CHRM3: variants seen among roughly 807,000 people sequenced by gnomAD.
CHRM3 encodes the protein cholinergic receptor muscarinic 3.
A neutral mutation model predicts 41.8 loss-of-function variants in CHRM3; 11 were observed. The ratio of observed to expected loss-of-function variants is 0.26; its 90% CI spans 0.17 to 0.44. The LOEUF is 0.44. CHRM3 is among the 20% of genes least tolerant of loss of function. The pLI is 1.00. For missense variants in CHRM3, 571 were observed against 745.4 expected (o/e 0.77, Z 2.72); for synonymous variants, 297 against 301.4 (o/e 0.99, Z 0.15).
At chr1:239,582,146 G>A (rs1662960566) in intron 3 of CHRM3, among the ~76,000 whole-genome samples, 1 of 152,082 alleles carries the variant, frequency 6.6e-6, no homozygotes, top group Admixed American at 6.5e-5. Context: ...TATGAACTTG[G>A]GATCCTATTG....
At position 239,655,538 on chromosome 1, in the gene CHRM3, C is replaced by T. The variant is rs539820919; in HGVS notation, c.-249-22648C>T. ...CTAGTTTCAAGATATTTTCATAGAGCCCCAAATTAAACATATTTTGGATAA... is the reference window on the plus strand; with the variant it reads ...CTAGTTTCAAGATATTTTCATAGAGTCCCAAATTAAACATATTTTGGATAA... On this transcript the variant is annotated intron_variant, in intron 4 of 6. Transcript: ENST00000676153. Among the ~76,000 whole-genome samples, 45 of 152,324 alleles carry T rather than the reference C, an allele frequency of 3.0e-4. No individual in the cohort carries two copies. In the South Asian group the frequency reaches 8.9e-3, roughly 30 times the overall value.
intron 3 of CHRM3, among the ~76,000 whole-genome samples, chr1:239,548,529 C>A (rs906965587): frequency 2.0e-5 from 3 of 152,168 alleles, no homozygotes; most frequent in Non-Finnish European, 4.4e-5. Flanking sequence ...TATTCTTCTT[C>A]TTGTTTATTT....
chr1:239,847,819 G>A (rs1282109894), intron 6 of CHRM3, among the ~76,000 whole-genome samples: 1 of 152,108 alleles, frequency 6.6e-6, no homozygotes, highest in Non-Finnish European at 1.5e-5. Flanking sequence ...AGAGGCTGAG[G>A]TGAGAGGATT....
At chr1:239,552,128 A>G (rs1275817029) in intron 3 of CHRM3, among the ~76,000 whole-genome samples, 3 of 149,704 alleles carry the variant, frequency 2.0e-5, no homozygotes, top group Non-Finnish European at 3.0e-5. Flanking sequence ...CTTTCAATAT[A>G]TATGTATTTA....
chr1:239,762,551 A>T (rs1666884233), intron 5 of CHRM3, among the ~76,000 whole-genome samples: 1 of 152,192 alleles, frequency 6.6e-6, no homozygotes, highest in Non-Finnish European at 1.5e-5. Context: ...CCTGTGTTTA[A>T]CATTGCAGAT....
intron 5 of CHRM3, among the ~76,000 whole-genome samples, chr1:239,710,847 A>T (rs558413150): frequency 6.6e-6 from 1 of 152,014 alleles, no homozygotes; most frequent in African/African-American, 2.4e-5. Flanking sequence ...CTCTCACCAC[A>T]CCGCAAACAA....
chr1:239,714,787 A>G (rs1313906944), intron 5 of CHRM3, among the ~76,000 whole-genome samples: 1 of 152,130 alleles, frequency 6.6e-6, no homozygotes, highest in Non-Finnish European at 1.5e-5. Context: ...ACAAGGAAGG[A>G]GGCAAAATTT....
intron 1 of CHRM3, among the ~76,000 whole-genome samples, chr1:239,458,746 T>C (rs1665143372): frequency 6.6e-6 from 1 of 152,110 alleles, no homozygotes; most frequent in Non-Finnish European, 1.5e-5. Context: ...CCTGCATTAG[T>C]TTTCACTGCA....
intron 6 of CHRM3, among the ~76,000 whole-genome samples, chr1:239,834,110 G>A (rs1363557986): frequency 6.8e-6 from 1 of 147,844 alleles, no homozygotes; most frequent in African/African-American, 2.5e-5. Flanking sequence ...GCTTGGTGCT[G>A]AATAACCTCA....
At chr1:239,553,025 T>C (rs924562447) in intron 3 of CHRM3, among the ~76,000 whole-genome samples, 13 of 152,104 alleles carry the variant, frequency 8.5e-5, no homozygotes, top group African/African-American at 3.1e-4. Context: ...AGCCACGTTG[T>C]CTCTCAATCG....
rs1672532908 is a variant in CHRM3, at chr1:239,827,293, C to T, written c.-105C>T. 1 of 152,218 alleles carries T rather than the reference C, an allele frequency of 6.6e-6. No individual in the cohort carries two copies. The highest frequency in any genetic ancestry group is 1.5e-5 in the Non-Finnish European group (1 of 68,050). 9.4% of individuals were successfully genotyped at this position (152,218 alleles called of 1,614,324 possible). ...GGGCAGCCTGACATCTGGTCCACTC[C>T]TCTGTCCTATGCCGGGATCATCATG... is the stretch of plus-strand genomic sequence containing the variant. On this transcript the variant is annotated 5_prime_UTR_variant, in exon 6 of 7. Transcript: ENST00000676153.
At chr1:239,573,926 T>A (rs1272910383) in intron 3 of CHRM3, among the ~76,000 whole-genome samples, 2 of 152,128 alleles carry the variant, frequency 1.3e-5, no homozygotes, top group African/African-American at 4.8e-5. Context: ...TATTTCTTGA[T>A]CTATTTAGTA....
chr1:239,441,537 C>T (rs1457554455), intron 1 of CHRM3, among the ~76,000 whole-genome samples: 1 of 152,176 alleles, frequency 6.6e-6, no homozygotes, highest in Non-Finnish European at 1.5e-5. Flanking sequence ...CTATAGTTCA[C>T]ATATCTGTCT....
chr1:239,624,523 T>G (rs1668816331), intron 3 of CHRM3, among the ~76,000 whole-genome samples: 1 of 149,164 alleles, frequency 6.7e-6, no homozygotes, highest in African/African-American at 2.5e-5. Flanking sequence ...ATTTGTCAAT[T>G]TTGGCTTTTG....
chr1:239,770,477 A>G (rs911186525), intron 5 of CHRM3, among the ~76,000 whole-genome samples: 1 of 152,218 alleles, frequency 6.6e-6, no homozygotes, highest in Non-Finnish European at 1.5e-5. Flanking sequence ...ATGCCCTCCT[A>G]TGAAGATGTG....
At chr1:239,513,275 T>G (rs1669043529) in intron 2 of CHRM3, among the ~76,000 whole-genome samples, 1 of 152,142 alleles carries the variant, frequency 6.6e-6, no homozygotes, top group East Asian at 1.9e-4. Flanking sequence ...CTTTTAAAAT[T>G]TTGTCTTTGT....
intron 6 of CHRM3, among the ~76,000 whole-genome samples, chr1:239,854,055 C>T (rs1390817154): frequency 6.6e-6 from 1 of 151,976 alleles, no homozygotes; most frequent in Non-Finnish European, 1.5e-5. Flanking sequence ...ATGGAGGATA[C>T]ATGTGATATT....
At chr1:239,440,035 T>C (rs1463333658) in intron 1 of CHRM3, among the ~76,000 whole-genome samples, 2 of 151,556 alleles carry the variant, frequency 1.3e-5, no homozygotes, top group Non-Finnish European at 2.9e-5. Context: ...CTGTCTCTAC[T>C]AAAAATATAA....
intron 3 of CHRM3, among the ~76,000 whole-genome samples, chr1:239,547,338 A>G (rs112327988): frequency 0.03 from 4,562 of 152,248 alleles, 93 homozygotes; most frequent in Admixed American, 0.049. Flanking sequence ...GAATGAGACT[A>G]ATAAAAAGAG....
Sources: allele counts gnomAD v4.1 joint callset (sites outside exome capture counted in the v4.1 genomes callset), GRCh38; gene constraint gnomAD v4.1.1; transcripts MANE v1.5; gene names NCBI Gene and HGNC (gene_info 2026-07-23, HGNC 2026-07-21).